Variants in USH2A observed in about 807,000 individuals in gnomAD.
USH2A encodes the protein Usher syndrome 2A (autosomal recessive, mild).
Under a neutral mutation model 538.9 loss-of-function variants are expected in USH2A, and 443 were observed. The ratio of observed to expected loss-of-function variants is 0.82; its 90% CI spans 0.76 to 0.89. The LOEUF (loss-of-function observed/expected upper bound fraction) is 0.89, where lower values mean the gene tolerates loss of function less well. Ranked by LOEUF, USH2A falls within the 40% of genes least tolerant of loss-of-function variation. The probability of loss-of-function intolerance (pLI) is 0.00; values close to 1 mark genes in which losing one functional copy is unlikely to be tolerated. For missense variants in USH2A, 6,633 were observed against 6,324.8 expected (o/e 1.05, Z -1.65); for synonymous variants, 2,413 against 2,273.5 (o/e 1.06, Z -1.75).
chr1:216,124,157 G>T (rs2033198505), intron 21 of USH2A, among the ~76,000 whole-genome samples: 1 of 152,094 alleles, frequency 6.6e-6, no homozygotes, highest in Admixed American at 6.6e-5. Context: ...ACACAATGTT[G>T]CCCAGGCAGA....
intron 35 of USH2A, among the ~76,000 whole-genome samples, chr1:215,976,837 A>T (rs1667629434): frequency 6.6e-6 from 1 of 152,028 alleles, no homozygotes; most frequent in Non-Finnish European, 1.5e-5. Flanking sequence ...GTCTTTGACA[A>T]GTTTTGCTAT....
At chr1:215,671,943 C>A (rs986137562) in intron 63 of USH2A, among the ~76,000 whole-genome samples, 1 of 152,102 alleles carries the variant, frequency 6.6e-6, no homozygotes, top group African/African-American at 2.4e-5. Context: ...CTTAAAACAG[C>A]CTCCCTTACA....
At chr1:215,931,581 A>T (rs1666363192) in intron 38 of USH2A, among the ~76,000 whole-genome samples, 1 of 152,162 alleles carries the variant, frequency 6.6e-6, no homozygotes, top group South Asian at 2.1e-4. Flanking sequence ...TGTACAGAGA[A>T]GGTCTCTTTC....
At chr1:215,775,153 A>G (rs1006218759) in intron 55 of USH2A, among the ~76,000 whole-genome samples, 2 of 152,122 alleles carry the variant, frequency 1.3e-5, no homozygotes, top group Non-Finnish European at 2.9e-5. Context: ...TTAAAGAAAT[A>G]TACTGCAGCT....
rs1369240421 is a variant in USH2A, at chr1:215,970,104, T to G, written c.6957+521A>C. Reference sequence around the variant, plus strand: ...GATATAGATTTCTGAAATATGAATATCAAAAGCTGATATTGATGTAATTTT... The same window carrying G: ...GATATAGATTTCTGAAATATGAATAGCAAAAGCTGATATTGATGTAATTTT... On this transcript the variant is annotated intron_variant, in intron 36 of 71. Transcript: ENST00000307340. Among the ~76,000 whole-genome samples, 23 of 152,168 alleles carry G rather than the reference T, an allele frequency of 1.5e-4. 1 individual carries two copies. Among genetic ancestry groups the G allele is most frequent in the Admixed American group, 1.5e-3 (23 of 15,260 alleles).
intron 37 of USH2A, among the ~76,000 whole-genome samples, chr1:215,941,887 C>T (rs1054867756): frequency 6.6e-6 from 1 of 152,154 alleles, no homozygotes; most frequent in Admixed American, 6.6e-5. Flanking sequence ...GTTTCATTTG[C>T]TACAGTCACA....
chr1:216,234,390 C>T lies in USH2A; in HGVS notation c.2810-2254G>A, dbSNP rs182543253. Among the ~76,000 whole-genome samples, 278 of 152,228 alleles carry T rather than the reference C, an allele frequency of 1.8e-3. 1 individual carries two copies. The highest frequency in any genetic ancestry group is 0.01 in the Middle Eastern group (3 of 294). On this transcript the variant is annotated intron_variant, in intron 13 of 71. Coordinates refer to ENST00000307340, the MANE Select transcript of USH2A (RefSeq NM_206933.4). ...TTTATCATAATTTACAGCCAGGTTA[C>T]GCTATTTGTTTATTTGTACCACCTG...
intron 32 of USH2A, among the ~76,000 whole-genome samples, chr1:216,031,695 C>T (rs2102512098): frequency 1.3e-5 from 2 of 152,252 alleles, no homozygotes; most frequent in Non-Finnish European, 2.9e-5. Flanking sequence ...TTCAATGGTT[C>T]TCTCTTGCTT....
intron 61 of USH2A, among the ~76,000 whole-genome samples, chr1:215,683,312 T>G (rs1301205247): frequency 6.6e-6 from 1 of 152,040 alleles, no homozygotes; most frequent in Non-Finnish European, 1.5e-5. Context: ...ATAGCCATGG[T>G]TTTTGTCAAT....
In USH2A at chr1:215,877,841, T is replaced by C. The variant is rs371993753; in HGVS notation, c.8598A>G (p.Ala2866=). The change falls in exon 43 of 72, where the codon GCA becomes GCG. Residue 2866 remains alanine, a synonymous_variant. Coordinates refer to ENST00000307340, the MANE Select transcript of USH2A (RefSeq NM_206933.4). The part of the protein sequence containing the change: ...LLRRKIQQPL[A]SNPPEDLNRW... ...GATTTAAATCTTCTGGGGGATTTGA[T>C]GCAAGTGGCTGCTGGATTTTACGTC... is the stretch of plus-strand genomic sequence containing the variant. The C allele has an allele frequency of 3.7e-6, 6 of 1,613,734 alleles. No homozygotes were observed. The South Asian group carries it at 6.6e-5, about 18-fold the overall frequency.
intron 15 of USH2A, among the ~76,000 whole-genome samples, chr1:216,209,381 G>C (rs1265385533): frequency 6.6e-6 from 1 of 152,200 alleles, no homozygotes; most frequent in Non-Finnish European, 1.5e-5. Flanking sequence ...CTGATGGCCA[G>C]AGGGCAATGG....
intron 4 of USH2A, among the ~76,000 whole-genome samples, chr1:216,347,442 G>C (rs939389411): frequency 3.3e-5 from 5 of 152,060 alleles, no homozygotes; most frequent in Non-Finnish European, 4.4e-5. Flanking sequence ...AAATTACAAA[G>C]TATGTCTTCT....
chr1:215,787,908 G>A (rs1661848996), intron 51 of USH2A, among the ~76,000 whole-genome samples: 1 of 152,080 alleles, frequency 6.6e-6, no homozygotes, highest in Non-Finnish European at 1.5e-5. Flanking sequence ...GCTGGGCTTG[G>A]TGGCGCACAC....
intron 4 of USH2A, among the ~76,000 whole-genome samples, chr1:216,359,855 C>T (rs1011390319): frequency 6.6e-6 from 1 of 151,942 alleles, no homozygotes; most frequent in Non-Finnish European, 1.5e-5. Context: ...AGTTCAAAAA[C>T]AATACTAAGT....
intron 21 of USH2A, among the ~76,000 whole-genome samples, chr1:216,117,472 A>G (rs565346385): frequency 6.6e-6 from 1 of 152,304 alleles, no homozygotes; most frequent in South Asian, 2.1e-4. Flanking sequence ...TGTGGGAATT[A>G]ATAAGTATTA....
At chr1:215,866,352 T>G (rs1182056075) in intron 44 of USH2A, among the ~76,000 whole-genome samples, 2 of 152,140 alleles carry the variant, frequency 1.3e-5, no homozygotes, top group Non-Finnish European at 2.9e-5. Flanking sequence ...AGGAACAGAT[T>G]AGATTACTCT....
intron 3 of USH2A, among the ~76,000 whole-genome samples, chr1:216,404,706 C>T (rs115111753): frequency 0.035 from 5,180 of 149,462 alleles, 124 homozygotes; most frequent in Middle Eastern, 0.08. Flanking sequence ...ACAGCAGCCT[C>T]AACTTCCTGA....
chr1:216,280,808 T>C (rs189593315), intron 11 of USH2A, among the ~76,000 whole-genome samples: 136 of 152,326 alleles, frequency 8.9e-4, no homozygotes, highest in African/African-American at 3.2e-3. Flanking sequence ...TTCCAGAACA[T>C]AGAGCGCACG....
chr1:216,091,467 T>A (rs748853406), intron 22 of USH2A, among the ~76,000 whole-genome samples: 1 of 152,202 alleles, frequency 6.6e-6, no homozygotes, highest in South Asian at 2.1e-4. Flanking sequence ...AAAACTGTAA[T>A]TAAAAGTTGC....
Sources: gnomAD v4.1 joint callset for allele counts (sites outside exome capture counted in the v4.1 genomes callset) on GRCh38, gnomAD v4.1.1 for gene constraint, MANE v1.5 for transcripts, NCBI Gene and HGNC (gene_info 2026-07-23, HGNC 2026-07-21) for gene names.